PPIP5K2: variants seen among roughly 807,000 people sequenced by gnomAD.
PPIP5K2 encodes diphosphoinositol pentakisphosphate kinase 2, also known as inositol hexakisphosphate and diphosphoinositol-pentakisphosphate kinase 2.
Under a neutral mutation model 154.6 loss-of-function variants are expected in PPIP5K2, and 105 were observed. The ratio of observed to expected loss-of-function variants is 0.68; its 90% CI spans 0.58 to 0.80. The LOEUF is 0.80. Among genes scored for constraint, PPIP5K2 ranks in the 30% least tolerant of loss-of-function variants. The pLI is 0.00. For synonymous variants in PPIP5K2, 480 were observed against 490.3 expected (o/e 0.98, Z 0.28); for missense variants, 992 against 1,504.6 (o/e 0.66, Z 5.64).
chr5:103,199,827 T>C (rs74643044), intron 30 of PPIP5K2, among the ~76,000 whole-genome samples: 4,722 of 152,250 alleles, frequency 0.031, 105 homozygotes, highest in Non-Finnish European at 0.05. Flanking sequence ...GCAGGGATTT[T>C]TCTCTTTTTA....
At chr5:103,152,851 G>T in intron 10 of PPIP5K2, 102 bp downstream of exon 10, 1 of 707,184 alleles carries the variant, frequency 1.4e-6, no homozygotes, top group Non-Finnish European at 2.3e-6. Flanking sequence ...ACTTTAGTGT[G>T]TATGATTTCA....
At position 103,195,005 on chromosome 5, in the gene PPIP5K2, C is replaced by A. The variant is rs1554228070; in HGVS notation, c.3599C>A (p.Thr1200Asn). 2.5e-6 allele frequency: 4 copies of A among 1,613,710 alleles called. No individual in the cohort carries two copies. The highest frequency in any genetic ancestry group is 3.4e-6 in the Non-Finnish European group (4 of 1,179,798). ...LPTPPATLKS[T>N]KASSKPATSG... Reference sequence around the variant, plus strand: ...ACACCACCAGCTACCTTAAAGAGCACTAAAGCAAGCAGCAAACCAGGTAAG... The same window carrying A: ...ACACCACCAGCTACCTTAAAGAGCAATAAAGCAAGCAGCAAACCAGGTAAG... The change falls in exon 30 of 31, where the codon ACT becomes AAT. Residue 1200 changes from threonine to asparagine, a missense_variant. Transcript: ENST00000358359.
intron 6 of PPIP5K2, 106 bp downstream of exon 6, chr5:103,146,787 A>G (rs1195386910): frequency 7.2e-6 from 7 of 967,438 alleles, no homozygotes; most frequent in Non-Finnish European, 1.0e-5. Context: ...ACTCTTGAAA[A>G]TGTATCATTT....
intron 19 of PPIP5K2, among the ~76,000 whole-genome samples, chr5:103,171,592 C>T (rs1433175837): frequency 2.0e-5 from 3 of 151,506 alleles, no homozygotes; most frequent in Admixed American, 6.6e-5. Flanking sequence ...AAATGTGTCA[C>T]TGTTTTGAAG....
intron 18 of PPIP5K2, 122 bp downstream of exon 18, chr5:103,167,442 T>C: frequency 1.3e-6 from 1 of 770,588 alleles, no homozygotes. Context: ...ATGTATAGTA[T>C]GAGTTAATGT....
Position 103,206,690 on chromosome 5 carries a change from AC to A in PPIP5K2, c.*5057del, listed in dbSNP as rs1159228159. On this transcript the variant is annotated 3_prime_UTR_variant, in exon 31 of 31. Coordinates refer to ENST00000358359, the MANE Select transcript of PPIP5K2 (RefSeq NM_001276277.3). ...GAAAATAACAATCACATCTTTATTCACTTACTATGATAAAATTATAAGCAAG... is the reference window on the plus strand; with the variant it reads ...GAAAATAACAATCACATCTTTATTCATTACTATGATAAAATTATAAGCAAG... The A allele has an allele frequency of 2.6e-5, 4 of 152,160 alleles. No homozygotes were observed. The East Asian group carries it at 7.7e-4, about 29-fold the overall frequency. 9.4% of individuals were successfully genotyped at this position (152,160 alleles called of 1,614,324 possible).
intron 4 of PPIP5K2, 94 bp from the exon 5 acceptor site, chr5:103,138,290 A>T: frequency 1.6e-6 from 1 of 639,480 alleles, no homozygotes. Flanking sequence ...TTTTAGTTAT[A>T]GAACAACAAT....
intron 14 of PPIP5K2, among the ~76,000 whole-genome samples, chr5:103,157,847 T>C (rs1795658531): frequency 1.3e-5 from 2 of 152,150 alleles, no homozygotes; most frequent in South Asian, 4.1e-4. Flanking sequence ...CCAGCAGACA[T>C]AGCACAACTA....
chr5:103,173,384 T>C lies in PPIP5K2; in HGVS notation c.2414+102T>C, dbSNP rs1299339891. On this transcript the variant is annotated intron_variant, in intron 20 of 30. Coordinates refer to ENST00000358359, the MANE Select transcript of PPIP5K2 (RefSeq NM_001276277.3). The stretch of plus-strand genomic sequence containing the variant: ...GTCCTATGAAGTCAGAAGTGTGTCA[T>C]TGGCATACTGTGAAAATAGTATTAC... 1.0e-5 allele frequency: 13 copies of C among 1,290,992 alleles called. No individual in the cohort carries two copies. In the African/African-American group the frequency reaches 1.1e-4, roughly 11 times the overall value. The allele number at this position is 1,290,992 out of a possible 1,614,324, so 80.0% of individuals were successfully genotyped here. A position where few individuals can be genotyped will look rare whatever the true frequency, so the allele number is the denominator to read the frequency against.
At chr5:103,159,646 C>A (rs1198772668) in intron 17 of PPIP5K2, among the ~76,000 whole-genome samples, 1 of 152,044 alleles carries the variant, frequency 6.6e-6, no homozygotes, top group Non-Finnish European at 1.5e-5. Context: ...AACTTTAAAT[C>A]TATTGATTTT....
rs1367169590 is a variant in PPIP5K2, at chr5:103,211,580, G to GC, written c.*9950dup. The GC allele has an allele frequency of 3.9e-5, 6 of 152,158 alleles. No homozygotes were observed. Among genetic ancestry groups the GC allele is most frequent in the South Asian group, 4.1e-4 (2 of 4,822 alleles). The allele number at this position is 152,158 out of a possible 1,614,324, so 9.4% of individuals were successfully genotyped here. A position where few individuals can be genotyped will look rare whatever the true frequency, so the allele number is the denominator to read the frequency against. ...GAACTCCCAGGTAAACACACAGGTA[G>GC]CCCCTTCTAAAATGCAAATGCCCTT... On this transcript the variant is annotated 3_prime_UTR_variant, in exon 31 of 31. Coordinates refer to ENST00000358359, the MANE Select transcript of PPIP5K2 (RefSeq NM_001276277.3).
chr5:103,147,227 T>C (rs1379261203), intron 6 of PPIP5K2, among the ~76,000 whole-genome samples: 3 of 151,942 alleles, frequency 2.0e-5, no homozygotes, highest in Non-Finnish European at 2.9e-5. Flanking sequence ...TGTATCAGAA[T>C]GTAAAATGCA....
chr5:103,175,511 A>G (rs1460762409), intron 21 of PPIP5K2, among the ~76,000 whole-genome samples: 1 of 152,156 alleles, frequency 6.6e-6, no homozygotes, highest in Non-Finnish European at 1.5e-5. Flanking sequence ...CATAGAGGGT[A>G]TAAAGATCAT....
Position 103,212,006 on chromosome 5 carries a change from A to G in PPIP5K2, c.*10372A>G, listed in dbSNP as rs1471881460. 1 of 152,146 alleles carries G rather than the reference A, an allele frequency of 6.6e-6. No individual in the cohort carries two copies. The highest frequency in any genetic ancestry group is 1.5e-5 in the Non-Finnish European group (1 of 67,990). The allele number at this position is 152,146 out of a possible 1,614,324, so 9.4% of individuals were successfully genotyped here. A position where few individuals can be genotyped will look rare whatever the true frequency, so the allele number is the denominator to read the frequency against. ...AGTCTTCCTGTCCAAGGGATATGAA[A>G]GGTACCTCAACCTTTGGTTTTGGTT... On this transcript the variant is annotated 3_prime_UTR_variant, in exon 31 of 31. Transcript: ENST00000358359.
intron 30 of PPIP5K2, among the ~76,000 whole-genome samples, chr5:103,198,916 T>C (rs1802536251): frequency 6.6e-6 from 1 of 152,084 alleles, no homozygotes; most frequent in South Asian, 2.1e-4. Flanking sequence ...GAATTTTATT[T>C]AACTTTTTCT....
rs1277067859 is a variant in PPIP5K2 at position 103,180,114 on chromosome 5, C to T, written c.2848C>T (p.Pro950Ser). The change falls in exon 24 of 31, where the codon CCA becomes TCA. Residue 950 changes from proline to serine, a missense_variant. Transcript: ENST00000358359. Reference sequence around the variant, plus strand: ...TGATCGAGCTGTGATATTGTTTAAACCAATGGTATCAGAGCCAATTCATAT... The same window carrying T: ...TGATCGAGCTGTGATATTGTTTAAATCAATGGTATCAGAGCCAATTCATAT... ...EVDRAVILFKPMVSEPIHIHR... is the reference protein window; with the variant it reads ...EVDRAVILFKSMVSEPIHIHR... 1 of 1,603,934 alleles carries T rather than the reference C, an allele frequency of 6.2e-7. No homozygotes were observed. The highest frequency in any genetic ancestry group is 8.5e-7 in the Non-Finnish European group (1 of 1,175,910).
rs1468133728 is a variant in PPIP5K2 at position 103,211,192 on chromosome 5, T to C, written c.*9558T>C. On this transcript the variant is annotated 3_prime_UTR_variant, in exon 31 of 31. Transcript: ENST00000358359. Reference sequence around the variant, plus strand: ...GTGATTCTAAGAATATTTCATTCCTTACTGCTTTCTGCCCTCCATTCTGAC... The same window carrying C: ...GTGATTCTAAGAATATTTCATTCCTCACTGCTTTCTGCCCTCCATTCTGAC... 6.6e-6 allele frequency: 1 copy of C among 152,164 alleles called. No individual in the cohort carries two copies. The highest frequency in any genetic ancestry group is 1.5e-5 in the Non-Finnish European group (1 of 67,996). 9.4% of individuals were successfully genotyped at this position (152,164 alleles called of 1,614,324 possible). A position where few individuals can be genotyped will look rare whatever the true frequency, so the allele number is the denominator to read the frequency against.
At chr5:103,151,142 G>A (rs1554211174) in intron 8 of PPIP5K2, 111 bp from the exon 9 acceptor site, 1 of 835,824 alleles carries the variant, frequency 1.2e-6, no homozygotes, top group East Asian at 2.8e-5. Flanking sequence ...CCACTATATA[G>A]TAATATACTT....
intron 14 of PPIP5K2, among the ~76,000 whole-genome samples, chr5:103,157,066 T>G (rs1477181307): frequency 6.6e-6 from 1 of 152,186 alleles, no homozygotes; most frequent in African/African-American, 2.4e-5. Flanking sequence ...TTTCTTTCCA[T>G]AAATTAATAT....
Sources: allele counts gnomAD v4.1 joint callset (sites outside exome capture counted in the v4.1 genomes callset), GRCh38; gene constraint gnomAD v4.1.1; transcripts MANE v1.5; gene names NCBI Gene and HGNC (gene_info 2026-07-23, HGNC 2026-07-21).